Variants in MALRD1 observed in about 807,000 individuals in gnomAD.
MALRD1 encodes MAM and LDL receptor class A domain containing 1.
A neutral mutation model predicts 242.1 loss-of-function variants in MALRD1; 247 were observed. That is an observed-to-expected ratio of 1.02 (90% CI 0.92 to 1.13). The LOEUF (loss-of-function observed/expected upper bound fraction) is 1.13, where lower values mean the gene tolerates loss of function less well. Among genes scored for constraint, MALRD1 ranks in the 50% most tolerant of loss-of-function variants. The pLI is 0.00. For missense variants in MALRD1, 2,989 were observed against 2,533.1 expected (o/e 1.18, Z -3.86); for synonymous variants, 995 against 866.6 (o/e 1.15, Z -2.60).
intron 10 of MALRD1, among the ~76,000 whole-genome samples, chr10:19,138,207 G>T (rs1833418491): frequency 6.6e-6 from 1 of 152,130 alleles, no homozygotes; most frequent in Admixed American, 6.6e-5. Flanking sequence ...GCTCAACGGA[G>T]CTTTTGGGCT....
intron 21 of MALRD1, among the ~76,000 whole-genome samples, chr10:19,295,967 A>G (rs1206215049): frequency 6.6e-6 from 1 of 152,152 alleles, no homozygotes; most frequent in African/African-American, 2.4e-5. Context: ...CTTAGTCAAG[A>G]TCTGGTTCTT....
At chr10:19,609,902 A>T (rs981689003) in intron 35 of MALRD1, among the ~76,000 whole-genome samples, 1 of 152,060 alleles carries the variant, frequency 6.6e-6, no homozygotes, top group South Asian at 2.1e-4. Context: ...AAATTGTAGG[A>T]TGGGACATTA....
At position 19,690,588 on chromosome 10, in the gene MALRD1, T is replaced by A. The variant is rs186650865; in HGVS notation, c.6138-1694T>A. Among the ~76,000 whole-genome samples, 365 of 152,130 alleles carry A rather than the reference T, an allele frequency of 2.4e-3. 1 individual carries two copies. The highest frequency in any genetic ancestry group is 8.2e-3 in the African/African-American group (340 of 41,550). ...TCTGTCAATAAGAGAAAATTTTCTATCTTTATTTTTTGTTTTATCCCTCAT... is the reference window on the plus strand; with the variant it reads ...TCTGTCAATAAGAGAAAATTTTCTAACTTTATTTTTTGTTTTATCCCTCAT... On this transcript the variant is annotated intron_variant, in intron 36 of 39. Coordinates refer to ENST00000454679, the MANE Select transcript of MALRD1 (RefSeq NM_001142308.3).
chr10:19,699,795 T>C (rs1833540116), intron 38 of MALRD1, among the ~76,000 whole-genome samples: 1 of 151,706 alleles, frequency 6.6e-6, no homozygotes, highest in African/African-American at 2.4e-5. Context: ...CACACACTTT[T>C]AAACGACCAG....
chr10:19,729,715 T>C (rs1835199510), intron 38 of MALRD1, among the ~76,000 whole-genome samples: 1 of 145,924 alleles, frequency 6.9e-6, no homozygotes, highest in African/African-American at 2.5e-5. Context: ...AATAAGTCTA[T>C]TAATTCTTTT....
chr10:19,366,981 A>AT (rs1298007955), intron 26 of MALRD1, among the ~76,000 whole-genome samples: 1 of 152,184 alleles, frequency 6.6e-6, no homozygotes. Flanking sequence ...TGCATTTAAA[A>AT]TTTTTTTAAA....
At chr10:19,243,074 T>G (rs2499077) in intron 18 of MALRD1, among the ~76,000 whole-genome samples, 78,575 of 147,296 alleles carry the variant, frequency 0.53, 21,034 homozygotes, top group South Asian at 0.71. Flanking sequence ...TTTTTTTTTT[T>G]TGTGTGTGTA....
intron 25 of MALRD1, 143 bp downstream of exon 25, chr10:19,348,161 G>C: frequency 9.2e-7 from 1 of 1,091,258 alleles, no homozygotes; most frequent in South Asian, 1.7e-5. Flanking sequence ...TGTGAAGGGG[G>C]GAAAAAATGA....
intron 36 of MALRD1, among the ~76,000 whole-genome samples, chr10:19,638,734 C>G (rs1484635209): frequency 6.6e-6 from 1 of 152,074 alleles, no homozygotes; most frequent in Non-Finnish European, 1.5e-5. Flanking sequence ...AGCCTTTGCC[C>G]TCAGATTCCA....
chr10:19,254,587 G>A (rs11009148), intron 18 of MALRD1, among the ~76,000 whole-genome samples: 19,942 of 151,884 alleles, frequency 0.13, 1,649 homozygotes, highest in Admixed American at 0.27. Flanking sequence ...ATGCATTGGA[G>A]TCCCAGTTGC....
At chr10:19,378,342 T>C (rs1845694910) in intron 26 of MALRD1, among the ~76,000 whole-genome samples, 1 of 152,154 alleles carries the variant, frequency 6.6e-6, no homozygotes, top group African/African-American at 2.4e-5. Flanking sequence ...AGAAGTGGAT[T>C]TGGTTGAATG....
At chr10:19,641,625 C>T (rs1450157842) in intron 36 of MALRD1, among the ~76,000 whole-genome samples, 1 of 151,946 alleles carries the variant, frequency 6.6e-6, no homozygotes, top group South Asian at 2.1e-4. Flanking sequence ...CTTCAGAAAC[C>T]GTTTGTTATA....
intron 29 of MALRD1, among the ~76,000 whole-genome samples, chr10:19,451,420 C>A (rs568854700): frequency 1.3e-5 from 2 of 151,946 alleles, no homozygotes; most frequent in Admixed American, 6.6e-5. Flanking sequence ...ATTCTCTTTA[C>A]AAAACTACCC....
At chr10:19,614,060 T>G (rs1274476724) in intron 35 of MALRD1, among the ~76,000 whole-genome samples, 2 of 151,980 alleles carry the variant, frequency 1.3e-5, no homozygotes, top group African/African-American at 4.8e-5. Context: ...GGAAGGACAG[T>G]AGGAGCAGGA....
chr10:19,306,961 A>G (rs1842239094), intron 21 of MALRD1, among the ~76,000 whole-genome samples: 3 of 151,534 alleles, frequency 2.0e-5, no homozygotes, highest in Non-Finnish European at 4.4e-5. Context: ...TATGGGAACT[A>G]CAATTCAAGA....
In MALRD1 at chr10:19,240,454, T is replaced by G. The variant is rs565198507; in HGVS notation, c.2992-17230T>G. 1.9e-4 allele frequency among the ~76,000 whole-genome samples: 29 copies of G among 152,132 alleles called. 1 individual carries two copies. In the South Asian group the frequency reaches 6.0e-3, roughly 32 times the overall value. ...CTTAAAGAGAGAGAGATCATATATA[T>G]CTATATGATCATATATATAGATGTA... On this transcript the variant is annotated intron_variant, in intron 18 of 39. Transcript: ENST00000454679.
chr10:19,661,864 A>G (rs1841455690), intron 36 of MALRD1, among the ~76,000 whole-genome samples: 1 of 152,178 alleles, frequency 6.6e-6, no homozygotes, highest in Non-Finnish European at 1.5e-5. Context: ...ATTACAGAGA[A>G]CAAACCAAGG....
chr10:19,208,160 T>G (rs1836870516), intron 17 of MALRD1, among the ~76,000 whole-genome samples: 1 of 152,140 alleles, frequency 6.6e-6, no homozygotes. Context: ...AAGGCGAGAC[T>G]GCTGTAAGAC....
At chr10:19,198,845 A>G (rs1181534715) in intron 14 of MALRD1, among the ~76,000 whole-genome samples, 2 of 152,176 alleles carry the variant, frequency 1.3e-5, no homozygotes, top group Non-Finnish European at 2.9e-5. Flanking sequence ...TACTTTTGCA[A>G]ACATTCCCTT....
Sources: allele counts gnomAD v4.1 joint callset (sites outside exome capture counted in the v4.1 genomes callset), GRCh38; gene constraint gnomAD v4.1.1; transcripts MANE v1.5; gene names NCBI Gene and HGNC (gene_info 2026-07-23, HGNC 2026-07-21).